Variants in UTRN observed in about 807,000 individuals in gnomAD.
UTRN encodes utrophin.
A neutral mutation model predicts 463.9 loss-of-function variants in UTRN; 283 were observed. The observed-to-expected ratio is 0.61, with a 90% CI of 0.55 to 0.67. The LOEUF is 0.67. UTRN is among the 30% of genes least tolerant of loss of function. The pLI is 0.00. For missense variants in UTRN, 3,922 were observed against 4,084.3 expected (o/e 0.96, Z 1.08); for synonymous variants, 1,442 against 1,431.5 (o/e 1.01, Z -0.17).
intron 53 of UTRN, among the ~76,000 whole-genome samples, chr6:144,704,128 A>G (rs1188095650): frequency 1.3e-5 from 2 of 152,166 alleles, no homozygotes; most frequent in African/African-American, 2.4e-5. Context: ...TACTTACCGA[A>G]TAACTTTTAT....
chr6:144,793,860 A>G lies in UTRN; in HGVS notation c.8947A>G (p.Thr2983Ala). The G allele has an allele frequency of 1.2e-6, 2 of 1,614,132 alleles. No individual in the cohort carries two copies. The highest frequency in any genetic ancestry group is 1.3e-5 in the African/African-American group (1 of 75,058). ...TCTCTTTAAGGAAGTTGCAGGGCCA[A>G]CAGAAATGTGTGACCAGAGGCAGCT... ...RYLFKEVAGP[T>A]EMCDQRQLGL... The change falls in exon 63 of 75, where the codon ACA becomes GCA. Residue 2983 changes from threonine (T) to alanine (A), a missense_variant. Physicochemically the swap from Thr to Ala is moderately conservative, Grantham distance 58. Around this residue, in one of 3 missense-constraint regions of UTRN, gnomAD observed 1,309 missense variants for 1,452.6 expected, o/e 0.90. Transcript: ENST00000367545.
At chr6:144,520,881 T>C (rs1350092213) in intron 39 of UTRN, among the ~76,000 whole-genome samples, 1 of 152,214 alleles carries the variant, frequency 6.6e-6, no homozygotes, top group Non-Finnish European at 1.5e-5. Context: ...TTTGGCCCTT[T>C]GCAAGTGGTA....
chr6:144,638,594 A>G (rs1777434931), intron 51 of UTRN, among the ~76,000 whole-genome samples: 1 of 152,168 alleles, frequency 6.6e-6, no homozygotes, highest in African/African-American at 2.4e-5. Context: ...TACAACATCC[A>G]TTTTCTTAGC....
In UTRN at chr6:144,474,608, T is replaced by G. The variant is rs1294571024; in HGVS notation, c.3185T>G (p.Phe1062Cys). 6.2e-7 allele frequency: 1 copy of G among 1,612,170 alleles called. No homozygotes were observed. The highest frequency in any genetic ancestry group is 8.5e-7 in the Non-Finnish European group (1 of 1,179,318). The change falls in exon 25 of 75, where the codon TTT becomes TGT. Residue 1062 changes from phenylalanine to cysteine, a missense_variant. Transcript: ENST00000367545. Reference sequence around the variant, plus strand: ...ATGCATCTTTTATGTGTTTAGGCATTTGTTAATGAAATAGAAACAATTGAA... The same window carrying G: ...ATGCATCTTTTATGTGTTTAGGCATGTGTTAATGAAATAGAAACAATTGAA... The part of the protein sequence containing the change: ...LQRQLDQCSA[F>C]VNEIETIESS...
intron 51 of UTRN, among the ~76,000 whole-genome samples, chr6:144,643,811 T>G (rs1011609349): frequency 6.6e-6 from 1 of 151,610 alleles, no homozygotes; most frequent in African/African-American, 2.4e-5. Context: ...AAAAAAAAAT[T>G]TGTTAATTTT....
intron 51 of UTRN, among the ~76,000 whole-genome samples, chr6:144,615,893 G>T (rs763671594): frequency 6.6e-6 from 1 of 151,962 alleles, no homozygotes; most frequent in East Asian, 1.9e-4. Context: ...AACCCCTTAC[G>T]CTGCCCTACC....
At chr6:144,681,772 A>G (rs1782223836) in intron 52 of UTRN, among the ~76,000 whole-genome samples, 1 of 152,152 alleles carries the variant, frequency 6.6e-6, no homozygotes, top group African/African-American at 2.4e-5. Flanking sequence ...CTGTATCTGT[A>G]TCTATATTAA....
At chr6:144,339,147 A>G (rs1776948557) in intron 2 of UTRN, among the ~76,000 whole-genome samples, 1 of 152,182 alleles carries the variant, frequency 6.6e-6, no homozygotes, top group Non-Finnish European at 1.5e-5. Flanking sequence ...ACTCTTTGAC[A>G]TGTGTTTACA....
At chr6:144,430,505 C>T (rs1404820866) in intron 9 of UTRN, among the ~76,000 whole-genome samples, 2 of 152,120 alleles carry the variant, frequency 1.3e-5, no homozygotes, top group Admixed American at 6.5e-5. Context: ...ATTATAAGAA[C>T]TACATTTCAG....
At chr6:144,344,090 CAAAAAA>C in intron 2 of UTRN, 39 of 848,652 alleles carry the variant, frequency 4.6e-5, no homozygotes, top group Admixed American at 2.3e-4. Flanking sequence ...TAAAAGCCAC[CAAAAAA>C]AAAAAAAAAA....
In UTRN at chr6:144,285,537, C is replaced by A. The variant is rs963812996; in HGVS notation, c.-377C>A. On this transcript the variant is annotated 5_prime_UTR_variant, in exon 1 of 75. Transcript: ENST00000367545. Reference sequence around the variant, plus strand: ...TGCCTGCGCGCCCCTTCCAGGTTTGCGCTTTGACTGTTTTGTTTTTGGCGG... The same window carrying A: ...TGCCTGCGCGCCCCTTCCAGGTTTGAGCTTTGACTGTTTTGTTTTTGGCGG... 6.6e-6 allele frequency among the ~76,000 whole-genome samples: 1 copy of A among 152,202 alleles called. No individual in the cohort carries two copies. Among genetic ancestry groups the A allele is most frequent in the South Asian group, 2.1e-4 (1 of 4,836 alleles).
chr6:144,434,912 T>C (rs1375580461), intron 9 of UTRN, among the ~76,000 whole-genome samples: 1 of 152,164 alleles, frequency 6.6e-6, no homozygotes, highest in African/African-American at 2.4e-5. Context: ...CAGTTCTGGT[T>C]TGGATTTGTT....
intron 51 of UTRN, among the ~76,000 whole-genome samples, chr6:144,613,548 T>C (rs1220723082): frequency 2.0e-5 from 3 of 152,080 alleles, no homozygotes; most frequent in Admixed American, 2.0e-4. Flanking sequence ...TTGTATGATT[T>C]CATTCATATC....
intron 2 of UTRN, among the ~76,000 whole-genome samples, chr6:144,293,174 A>G (rs1016643727): frequency 6.6e-6 from 1 of 152,198 alleles, no homozygotes; most frequent in African/African-American, 2.4e-5. Context: ...TACGGAATAC[A>G]TATTCAGACA....
chr6:144,845,760 A>T (rs905564914), intron 73 of UTRN, among the ~76,000 whole-genome samples: 4 of 152,130 alleles, frequency 2.6e-5, no homozygotes, highest in African/African-American at 7.2e-5. Context: ...TTTCTCCTGG[A>T]TGTAACTTAC....
chr6:144,748,636 A>G (rs1283769483), intron 55 of UTRN, 122 bp downstream of exon 55: 3 of 1,308,556 alleles, frequency 2.3e-6, no homozygotes, highest in African/African-American at 1.5e-5. Flanking sequence ...CGCCGCTGCA[A>G]CCCCACCCAT....
intron 2 of UTRN, among the ~76,000 whole-genome samples, chr6:144,325,158 C>A (rs963599096): frequency 1.4e-4 from 22 of 152,158 alleles, no homozygotes; most frequent in African/African-American, 5.1e-4. Context: ...TGAAGCTATA[C>A]CTGTCTGCTA....
chr6:144,666,843 G>A (rs1780448612), intron 51 of UTRN, among the ~76,000 whole-genome samples: 1 of 152,164 alleles, frequency 6.6e-6, no homozygotes, highest in South Asian at 2.1e-4. Flanking sequence ...CAGCTATGCA[G>A]TCCTGTTTCA....
intron 2 of UTRN, chr6:144,344,352 G>A (rs1401115033): frequency 7.7e-7 from 1 of 1,303,696 alleles, no homozygotes; most frequent in African/African-American, 1.5e-5. Flanking sequence ...GTTTTCTTAA[G>A]AAACGTCTAT....
Sources: allele counts gnomAD v4.1 joint callset (sites outside exome capture counted in the v4.1 genomes callset), GRCh38; gene constraint gnomAD v4.1.1; regional missense constraint gnomAD v4.1.1; transcripts MANE v1.5; gene names NCBI Gene and HGNC (gene_info 2026-07-23, HGNC 2026-07-21).